EHBP1: variants seen among roughly 807,000 people sequenced by gnomAD.
EHBP1 encodes the protein EH domain-binding protein 1.
A neutral mutation model predicts 144.0 loss-of-function variants in EHBP1; 55 were observed. The ratio of observed to expected loss-of-function variants is 0.38; its 90% CI spans 0.31 to 0.48. EHBP1 has a LOEUF of 0.48. Ranked by LOEUF, EHBP1 falls within the 20% of genes least tolerant of loss-of-function variation. The pLI is 0.98. For synonymous variants in EHBP1, 469 were observed against 472.7 expected, an observed-to-expected ratio of 0.99 and a Z score of 0.10; for missense variants, 1,200 against 1,364.2, an observed-to-expected ratio of 0.88 and a Z score of 1.90.
At chr2:62,774,531 A>G (rs1166764877) in intron 5 of EHBP1, among the ~76,000 whole-genome samples, 1 of 152,202 alleles carries the variant, frequency 6.6e-6, no homozygotes, top group East Asian at 1.9e-4. Flanking sequence ...AACCTTTTAA[A>G]TAGATGATTC....
Position 62,874,526 on chromosome 2 carries a change from T to A in EHBP1, c.1179T>A (p.Ser393=). The change falls in exon 10 of 23, where the codon TCT becomes TCA. Residue 393 remains serine (S), a synonymous_variant. Coordinates refer to ENST00000431489, the MANE Select transcript of EHBP1 (RefSeq NM_001142616.3). The part of the protein sequence containing the change: ...TVSAGKDLST[S]PKPSPIPSPV... ...CTGCAGGAAAAGATCTCTCTACTTC[T>A]CCTAAGGTAGGATTTTATTCATAGT... 6.3e-7 allele frequency: 1 copy of A among 1,593,620 alleles called. No individual in the cohort carries two copies. The highest frequency in any genetic ancestry group is 8.5e-7 in the Non-Finnish European group (1 of 1,171,288).
chr2:62,718,198 T>C (rs2035872048), intron 2 of EHBP1, among the ~76,000 whole-genome samples: 2 of 152,218 alleles, frequency 1.3e-5, no homozygotes. Flanking sequence ...GAAACCTAGT[T>C]TTCTGATCAT....
chr2:62,927,321 T>C (rs929808357), intron 10 of EHBP1, among the ~76,000 whole-genome samples: 1 of 152,116 alleles, frequency 6.6e-6, no homozygotes, highest in Non-Finnish European at 1.5e-5. Flanking sequence ...GTAACAATAA[T>C]ATAGCTACTT....
chr2:62,737,375 C>G (rs1419071997), intron 2 of EHBP1, among the ~76,000 whole-genome samples: 1 of 152,082 alleles, frequency 6.6e-6, no homozygotes, highest in Non-Finnish European at 1.5e-5. Context: ...GCGACTGGGT[C>G]CCCCTGGAGT....
Position 62,783,017 on chromosome 2 carries a change from G to A in EHBP1, c.312+11625G>A, listed in dbSNP as rs114650651. ...GATACAATGGGGGTGTGGGCGTTGG[G>A]TAAATACACCCATTCCTAATGGGAG... On this transcript the variant is annotated intron_variant, in intron 5 of 22. Coordinates refer to ENST00000431489, the MANE Select transcript of EHBP1 (RefSeq NM_001142616.3). 5.2e-3 allele frequency among the ~76,000 whole-genome samples: 795 copies of A among 152,254 alleles called. 10 individuals are homozygous for A. Among genetic ancestry groups the A allele is most frequent in the African/African-American group, 0.018 (734 of 41,536 alleles).
chr2:62,823,495 G>C (rs1168573104), intron 5 of EHBP1, among the ~76,000 whole-genome samples: 1 of 151,944 alleles, frequency 6.6e-6, no homozygotes, highest in Non-Finnish European at 1.5e-5. Flanking sequence ...CTGATCCCTA[G>C]TCCCTTTAAG....
At chr2:62,793,942 C>T (rs2043351379) in intron 5 of EHBP1, among the ~76,000 whole-genome samples, 1 of 152,088 alleles carries the variant, frequency 6.6e-6, no homozygotes, top group African/African-American at 2.4e-5. Context: ...TGAAGTCTTA[C>T]TTGATATAGT....
chr2:62,753,821 C>T (rs1573143832), intron 3 of EHBP1, among the ~76,000 whole-genome samples: 1 of 152,194 alleles, frequency 6.6e-6, no homozygotes, highest in African/African-American at 2.4e-5. Context: ...ACGTAGTTCT[C>T]ATGCCATGGT....
intron 5 of EHBP1, among the ~76,000 whole-genome samples, chr2:62,775,597 G>C (rs1281494864): frequency 6.6e-6 from 1 of 152,154 alleles, no homozygotes; most frequent in Non-Finnish European, 1.5e-5. Flanking sequence ...AAAGAGTGAA[G>C]TTATATTTAA....
intron 5 of EHBP1, among the ~76,000 whole-genome samples, chr2:62,778,135 A>T (rs972325008): frequency 1.3e-5 from 2 of 152,244 alleles, no homozygotes; most frequent in Admixed American, 1.3e-4. Context: ...ATGAGATAGG[A>T]AGTTCGGCTC....
intron 5 of EHBP1, 156 bp from the exon 6 acceptor site, chr2:62,825,931 C>T: frequency 2.0e-6 from 1 of 502,204 alleles, no homozygotes. Flanking sequence ...TGTGATACAA[C>T]TTCATTGTAA....
chr2:62,869,928 C>T (rs751791828), intron 9 of EHBP1, among the ~76,000 whole-genome samples: 21 of 152,018 alleles, frequency 1.4e-4, no homozygotes, highest in South Asian at 2.1e-4. Flanking sequence ...TGGTGTGTGA[C>T]GGGAGAGATC....
chr2:62,834,682 T>C (rs981522148), intron 7 of EHBP1, among the ~76,000 whole-genome samples: 1 of 152,236 alleles, frequency 6.6e-6, no homozygotes, highest in Non-Finnish European at 1.5e-5. Context: ...AGACTAGCAA[T>C]ATGTCTGAGA....
intron 14 of EHBP1, 46 bp downstream of exon 14, chr2:62,955,706 C>A: frequency 6.4e-7 from 1 of 1,566,774 alleles, no homozygotes; most frequent in Non-Finnish European, 8.7e-7. Flanking sequence ...TCATTGTAAT[C>A]ATGGGGAGGA....
At chr2:62,865,908 A>G (rs2049998573) in intron 9 of EHBP1, among the ~76,000 whole-genome samples, 1 of 152,186 alleles carries the variant, frequency 6.6e-6, no homozygotes, top group South Asian at 2.1e-4. Context: ...GAGGTACGGA[A>G]TTTATACCTG....
At chr2:62,814,039 A>G (rs2045259182) in intron 5 of EHBP1, among the ~76,000 whole-genome samples, 1 of 152,146 alleles carries the variant, frequency 6.6e-6, no homozygotes, top group Non-Finnish European at 1.5e-5. Context: ...GAATGAATGT[A>G]TTTTGCATGT....
chr2:62,935,559 C>T (rs1355051525), intron 10 of EHBP1, among the ~76,000 whole-genome samples: 1 of 151,654 alleles, frequency 6.6e-6, no homozygotes, highest in Non-Finnish European at 1.5e-5. Flanking sequence ...ATTTTGTATC[C>T]AACACCTTGC....
At chr2:62,859,709 T>C (rs570133332) in intron 8 of EHBP1, among the ~76,000 whole-genome samples, 58 of 152,288 alleles carry the variant, frequency 3.8e-4, no homozygotes, top group Non-Finnish European at 6.9e-4. Context: ...GAGTGAGTTA[T>C]GCATGTGAAA....
chr2:63,045,126 C>A lies in EHBP1; in HGVS notation c.3338C>A (p.Ala1113Asp). The change falls in exon 22 of 23, where the codon GCC becomes GAC. Residue 1113 changes from alanine (A) to aspartate (D), a missense_variant. Ala to Asp is a moderately radical substitution (Grantham distance 126, BLOSUM62 -2). Coordinates refer to ENST00000431489, the MANE Select transcript of EHBP1 (RefSeq NM_001142616.3). This position sits in a 1 kb window ranked among gnomAD's most constrained non-coding sequence, Gnocchi z 5.7. ...CAGCTTCTGCTAGATGAGCTGGTGG[C>A]CCTGGTGAACAAGCGCGATGCGCTC... ...REQLLLDELV[A>D]LVNKRDALVR... 1 of 1,597,002 alleles carries A rather than the reference C, an allele frequency of 6.3e-7. No individual in the cohort carries two copies. Among genetic ancestry groups the A allele is most frequent in the Admixed American group, 1.7e-5 (1 of 57,966 alleles).
Sources: gnomAD v4.1 joint callset for allele counts (sites outside exome capture counted in the v4.1 genomes callset) on GRCh38, gnomAD v4.1.1 for gene constraint, Gnocchi (gnomAD v3.1) non-coding constraint, MANE v1.5 for transcripts, NCBI Gene and HGNC (gene_info 2026-07-23, HGNC 2026-07-21) for gene names.